VTA1: variants seen among roughly 807,000 people sequenced by gnomAD.
VTA1 encodes the protein vacuolar protein sorting-associated protein VTA1 homolog.
In VTA1, 24 loss-of-function variants were observed where a neutral mutation model predicts 36.9. The ratio of observed to expected loss-of-function variants is 0.65; its 90% CI spans 0.47 to 0.91. The LOEUF (loss-of-function observed/expected upper bound fraction) is 0.91. VTA1 is among the 40% of genes least tolerant of loss of function. The pLI is 0.00. For synonymous variants in VTA1, 142 were observed against 130.2 expected (o/e 1.09, Z -0.62); for missense variants, 393 against 377.2 (o/e 1.04, Z -0.35).
intron 5 of VTA1, among the ~76,000 whole-genome samples, chr6:142,192,810 T>A (rs1653233679): frequency 6.6e-6 from 1 of 152,058 alleles, no homozygotes; most frequent in Admixed American, 6.6e-5. Context: ...AAATGGCTTA[T>A]GGCTTCACAA....
At chr6:142,199,265 A>T (rs1047467073) in intron 6 of VTA1, among the ~76,000 whole-genome samples, 6 of 152,148 alleles carry the variant, frequency 3.9e-5, no homozygotes, top group South Asian at 2.1e-4. Flanking sequence ...TTAGTAGTTA[A>T]GTCAGGGTCA....
intron 7 of VTA1, among the ~76,000 whole-genome samples, chr6:142,207,235 TAC>T (rs1471547361): frequency 1.3e-5 from 2 of 152,150 alleles, no homozygotes; most frequent in African/African-American, 4.8e-5. Flanking sequence ...TCATAATTTC[TAC>T]ACTGAAAGAA....
chr6:142,187,756 T>G (rs1020564008), intron 4 of VTA1, among the ~76,000 whole-genome samples: 5 of 152,024 alleles, frequency 3.3e-5, no homozygotes, highest in African/African-American at 9.7e-5. Context: ...ATTTAGTAAT[T>G]TAGGGGTTAA....
At chr6:142,201,611 T>G (rs1775686228) in intron 6 of VTA1, among the ~76,000 whole-genome samples, 1 of 151,974 alleles carries the variant, frequency 6.6e-6, no homozygotes, top group African/African-American at 2.4e-5. Context: ...AATAATATAA[T>G]TATTTTATGA....
At chr6:142,168,837 G>C (rs1054590843) in intron 2 of VTA1, among the ~76,000 whole-genome samples, 7 of 151,056 alleles carry the variant, frequency 4.6e-5, no homozygotes, top group Non-Finnish European at 8.8e-5. Context: ...CGCGATCTCA[G>C]CCCACTGCAA....
intron 1 of VTA1, among the ~76,000 whole-genome samples, chr6:142,163,385 C>T (rs774634272): frequency 1.3e-5 from 2 of 152,106 alleles, no homozygotes; most frequent in Non-Finnish European, 1.5e-5. Flanking sequence ...TCTTTCCTAA[C>T]TATTTCTGGG....
At chr6:142,169,812 C>A in intron 3 of VTA1, 135 bp downstream of exon 3, 1 of 793,076 alleles carries the variant, frequency 1.3e-6, no homozygotes, top group Non-Finnish European at 1.8e-6. Flanking sequence ...TCAAACCTCA[C>A]GGTGATTTTA....
intron 5 of VTA1, 123 bp downstream of exon 5, chr6:142,189,657 T>G (rs1582893654): frequency 5.9e-6 from 4 of 677,898 alleles, no homozygotes; most frequent in East Asian, 2.8e-5. Context: ...TCAATGAAAG[T>G]TAAGTATAAA....
chr6:142,213,929 G>A (rs1043233762), intron 7 of VTA1, among the ~76,000 whole-genome samples: 2 of 152,192 alleles, frequency 1.3e-5, no homozygotes, highest in African/African-American at 4.8e-5. Flanking sequence ...TGTCTTGGCT[G>A]TGAACATTCA....
At chr6:142,202,870 A>T (rs962818355) in intron 6 of VTA1, among the ~76,000 whole-genome samples, 1 of 151,892 alleles carries the variant, frequency 6.6e-6, no homozygotes, top group Non-Finnish European at 1.5e-5. Context: ...AAATTTTTCA[A>T]TTTTTAGTTA....
At chr6:142,211,133 T>C (rs1027099791) in intron 7 of VTA1, among the ~76,000 whole-genome samples, 3 of 151,158 alleles carry the variant, frequency 2.0e-5, no homozygotes, top group African/African-American at 4.9e-5. Flanking sequence ...CTCGTGAAAA[T>C]AGAGGTAGAT....
In VTA1 at chr6:142,224,522, TC is replaced by T; in HGVS notation, c.*5882del. 6.6e-6 allele frequency: 1 copy of T among 152,336 alleles called. No homozygotes were observed. The highest frequency in any genetic ancestry group is 1.9e-4 in the East Asian group (1 of 5,186). The allele number at this position is 152,336 out of a possible 1,614,324, so 9.4% of individuals were successfully genotyped here. A position where few individuals can be genotyped will look rare whatever the true frequency, so the allele number is the denominator to read the frequency against. ...TAAACTTTATTTATTTACATGTGTC[TC>T]CCTCATTAGATGCTAAGTTCCTTGA... On this transcript the variant is annotated 3_prime_UTR_variant, in exon 8 of 8. Coordinates refer to ENST00000367630, the MANE Select transcript of VTA1 (RefSeq NM_016485.5).
At chr6:142,218,375 C>G in intron 7 of VTA1, 123 bp from the exon 8 acceptor site, 1 of 1,008,532 alleles carries the variant, frequency 9.9e-7, no homozygotes, top group South Asian at 1.6e-5. Flanking sequence ...GTGAGATTGA[C>G]TAAAACTACT....
intron 1 of VTA1, among the ~76,000 whole-genome samples, chr6:142,161,086 C>A (rs1229734027): frequency 1.4e-5 from 2 of 144,428 alleles, no homozygotes; most frequent in East Asian, 4.4e-4. Context: ...CTTCCCCCCC[C>A]CCCCTTTTTT....
intron 5 of VTA1, among the ~76,000 whole-genome samples, chr6:142,191,526 G>GT (rs1196349387): frequency 1.3e-5 from 2 of 152,056 alleles, no homozygotes; most frequent in Non-Finnish European, 2.9e-5. Flanking sequence ...AATGTAGACA[G>GT]TTTTTGTTTT....
intron 4 of VTA1, among the ~76,000 whole-genome samples, chr6:142,174,815 T>C (rs1045815513): frequency 1.3e-5 from 2 of 152,068 alleles, no homozygotes; most frequent in East Asian, 3.9e-4. Flanking sequence ...TGAGAAGTGG[T>C]GGTTTAAAAG....
rs1437808313 is a variant in VTA1, at chr6:142,223,803, A to C, written c.*5160A>C. 1 of 152,174 alleles carries C rather than the reference A, an allele frequency of 6.6e-6. No homozygotes were observed. The highest frequency in any genetic ancestry group is 1.5e-5 in the Non-Finnish European group (1 of 68,054). 9.4% of individuals were successfully genotyped at this position (152,174 alleles called of 1,614,324 possible). On this transcript the variant is annotated 3_prime_UTR_variant, in exon 8 of 8. Coordinates refer to ENST00000367630, the MANE Select transcript of VTA1 (RefSeq NM_016485.5). ...CCTAAAGTCAGGGAAAGCTTCACAG[A>C]TAAGGTTGAGCTGAAGGTTTGGCAG...
At chr6:142,171,702 A>G (rs928837828) in intron 4 of VTA1, among the ~76,000 whole-genome samples, 1 of 152,228 alleles carries the variant, frequency 6.6e-6, no homozygotes, top group Non-Finnish European at 1.5e-5. Context: ...ATTAATCTAG[A>G]AAAAGGAAGA....
rs149906898 is a variant in VTA1 at position 142,211,698 on chromosome 6, G to A, written c.779-6800G>A. Among the ~76,000 whole-genome samples the A allele has an allele frequency of 9.4e-3, 1,279 of 136,038 alleles. 21 individuals carry two copies. The highest frequency in any genetic ancestry group is 0.032 in the African/African-American group (1,161 of 36,564). The allele number at this position is 136,038 out of a possible 152,430, so 89.2% of individuals were successfully genotyped here. A position where few individuals can be genotyped will look rare whatever the true frequency, so the allele number is the denominator to read the frequency against. ...TGCAGTCCGGCCTGGGCGAAAGAGCGAGACTCCATCTCTTAAAAAAAAAAA... is the reference window on the plus strand; with the variant it reads ...TGCAGTCCGGCCTGGGCGAAAGAGCAAGACTCCATCTCTTAAAAAAAAAAA... On this transcript the variant is annotated intron_variant, in intron 7 of 7. Coordinates refer to ENST00000367630, the MANE Select transcript of VTA1 (RefSeq NM_016485.5).
Sources: allele counts gnomAD v4.1 joint callset (sites outside exome capture counted in the v4.1 genomes callset), GRCh38; gene constraint gnomAD v4.1.1; transcripts MANE v1.5; gene names NCBI Gene and HGNC (gene_info 2026-07-23, HGNC 2026-07-21).